Variants in FAM149A observed in about 807,000 individuals in gnomAD.
FAM149A encodes the protein family with sequence similarity 149 member A.
Under a neutral mutation model 78.2 loss-of-function variants are expected in FAM149A, and 71 were observed. The ratio of observed to expected loss-of-function variants is 0.91; its 90% CI spans 0.75 to 1.11. The LOEUF is 1.11. Among genes scored for constraint, FAM149A ranks in the 50% least tolerant of loss-of-function variants. The probability of loss-of-function intolerance (pLI) is 0.00; values close to 1 mark genes in which losing one functional copy is unlikely to be tolerated. For missense variants in FAM149A, 1,036 were observed against 971.0 expected, an observed-to-expected ratio of 1.07 and a Z score of -0.89; for synonymous variants, 446 against 410.5, an observed-to-expected ratio of 1.09 and a Z score of -1.04.
chr4:186,140,855 C>T lies in FAM149A; in HGVS notation c.567-8318C>T, dbSNP rs149767725. On this transcript the variant is annotated intron_variant, in intron 1 of 13. Transcript: ENST00000389354. The stretch of plus-strand genomic sequence containing the variant: ...AACAGAAGCAATAGGAGATACATGT[C>T]TACATCTATATTTGTATATATCTGT... 2.6e-5 allele frequency among the ~76,000 whole-genome samples: 4 copies of T among 152,286 alleles called. No homozygotes were observed. The East Asian group carries it at 7.7e-4, about 29-fold the overall frequency.
chr4:186,137,461 C>T (rs1003219566), intron 1 of FAM149A, among the ~76,000 whole-genome samples: 2 of 152,036 alleles, frequency 1.3e-5, no homozygotes, highest in Non-Finnish European at 2.9e-5. Context: ...GCTGTGCGTA[C>T]CACCTACTGT....
At position 186,156,193 on chromosome 4, in the gene FAM149A, A is replaced by G. The variant is rs574207344; in HGVS notation, c.1420+3A>G. ...ACACTGGGAAACTACACTCACAGGT[A>G]CTTACATGCAGAATTTAGCTTAATG... On this transcript the variant is annotated splice_donor_region_variant and intron_variant, in intron 7 of 13. Transcript: ENST00000389354. The G allele has an allele frequency of 6.2e-7, 1 of 1,607,752 alleles. No homozygotes were observed. The highest frequency in any genetic ancestry group is 1.1e-5 in the South Asian group (1 of 89,806).
In FAM149A at chr4:186,149,741, C is replaced by T. The variant is rs184315946; in HGVS notation, c.789+37C>T. Reference sequence around the variant, plus strand: ...AATATTTTGGATAATCTTGTAATTACAGTTTATAGTGAAGAGTTGCTTCCT... The same window carrying T: ...AATATTTTGGATAATCTTGTAATTATAGTTTATAGTGAAGAGTTGCTTCCT... On this transcript the variant is annotated intron_variant, in intron 3 of 13. Transcript: ENST00000389354. 4.1e-4 allele frequency: 504 copies of T among 1,227,022 alleles called. 1 individual carries two copies. The highest frequency in any genetic ancestry group is 2.1e-3 in the Admixed American group (64 of 30,958). The allele number at this position is 1,227,022 out of a possible 1,614,324, so 76.0% of individuals were successfully genotyped here.
At chr4:186,171,668 C>T (rs1349670274) in intron 13 of FAM149A, among the ~76,000 whole-genome samples, 4 of 152,158 alleles carry the variant, frequency 2.6e-5, no homozygotes, top group East Asian at 3.9e-4. Context: ...GGAAGCTTCT[C>T]GTGAATCCAC....
chr4:186,117,649 T>A (rs2150087096), intron 1 of FAM149A: 1 of 985,338 alleles, frequency 1.0e-6, no homozygotes, highest in Non-Finnish European at 1.2e-6. Context: ...GCACAGCTGT[T>A]GTGAAAAGCG....
At position 186,167,017 on chromosome 4, in the gene FAM149A, G is replaced by T. The variant is rs763114143; in HGVS notation, c.2060G>T (p.Gly687Val). Residue 687 changes from glycine to valine, a missense_variant, in exon 12 of 14, where the codon GGT (glycine) becomes GTT (valine). Gly to Val is a moderately radical substitution (Grantham distance 109). Coordinates refer to ENST00000389354, the MANE Select transcript of FAM149A (RefSeq NM_001367768.3). ...CGTGTGTTGAGTGCCATGCCTGACG[G>T]TACAGAACGATCGCGTCTTCGAGAA... 1.9e-6 allele frequency: 3 copies of T among 1,614,110 alleles called. No individual in the cohort carries two copies. In the South Asian group the frequency reaches 3.3e-5, roughly 18 times the overall value.
chr4:186,106,312 A>G (rs34488418), intron 1 of FAM149A, among the ~76,000 whole-genome samples: 43,024 of 151,996 alleles, frequency 0.28, 6,836 homozygotes, highest in Non-Finnish European at 0.34. Context: ...CAACACACAC[A>G]CACCCACACA....
chr4:186,165,825 CA>C (rs1734985684), intron 11 of FAM149A, among the ~76,000 whole-genome samples: 1 of 152,180 alleles, frequency 6.6e-6, no homozygotes, highest in Admixed American at 6.5e-5. Flanking sequence ...TGACTTGGTG[CA>C]AGTCACTTTA....
rs1446751460 is a variant in FAM149A, at chr4:186,105,001, C to A, written c.-76C>A. On this transcript the variant is annotated 5_prime_UTR_variant, in exon 1 of 14. Transcript: ENST00000389354. ...GGGGACCTCAGGCTCCTCGCCCCGG[C>A]CCGGGCCGCCTCGGCCGGATCTCCG... 6 of 1,235,464 alleles carry A rather than the reference C, an allele frequency of 4.9e-6. No individual in the cohort carries two copies. In the Admixed American group the frequency reaches 1.6e-4, roughly 32 times the overall value. The allele number at this position is 1,235,464 out of a possible 1,614,324, so 76.5% of individuals were successfully genotyped here.
chr4:186,105,581 C>T lies in FAM149A; in HGVS notation c.505C>T (p.Leu169Phe), dbSNP rs1176181671. ...CGGGGCTGGCCCCAGAACCCTGTTC[C>T]TTACGCTGCCTGACATCGGCGAGGA... Residue 169 changes from leucine to phenylalanine, a missense_variant, in exon 1 of 14, where the codon CTT (leucine) becomes TTT (phenylalanine). Leu to Phe is a conservative substitution (Grantham distance 22, BLOSUM62 0). Coordinates refer to ENST00000389354, the MANE Select transcript of FAM149A (RefSeq NM_001367768.3). The T allele has an allele frequency of 1.9e-6, 2 of 1,069,204 alleles. No homozygotes were observed. The highest frequency in any genetic ancestry group is 2.3e-6 in the Non-Finnish European group (2 of 877,806). 66.2% of individuals were successfully genotyped at this position (1,069,204 alleles called of 1,614,324 possible). A position where few individuals can be genotyped will look rare whatever the true frequency, so the allele number is the denominator to read the frequency against.
intron 1 of FAM149A, chr4:186,125,220 C>T: frequency 1.0e-6 from 1 of 980,470 alleles, no homozygotes; most frequent in East Asian, 1.1e-4. Flanking sequence ...TCCTTTCTCT[C>T]AGTACTTTTT....
rs564450543 is a variant in FAM149A, at chr4:186,159,329, C to G, written c.1575+1610C>G. Among the ~76,000 whole-genome samples the G allele has an allele frequency of 3.3e-5, 5 of 152,154 alleles. No homozygotes were observed. In the South Asian group the frequency reaches 1.0e-3, roughly 32 times the overall value. ...TTCTGATTACAGGAGGGGGATTGGT[C>G]TTTTACATTGAAGGTAAAATTTGAG... On this transcript the variant is annotated intron_variant, in intron 8 of 13. Transcript: ENST00000389354.
intron 1 of FAM149A, chr4:186,133,121 A>G (rs973803638): frequency 2.0e-6 from 2 of 985,408 alleles, no homozygotes. Context: ...GACAGGAGTC[A>G]TGTATTGTCT....
intron 1 of FAM149A, among the ~76,000 whole-genome samples, chr4:186,129,671 C>G (rs2099319731): frequency 6.6e-6 from 1 of 152,188 alleles, no homozygotes; most frequent in Non-Finnish European, 1.5e-5. Context: ...ATTAAGGTGA[C>G]CTGGGACTGA....
At chr4:186,107,181 CACTG>C (rs2099309126) in intron 1 of FAM149A, among the ~76,000 whole-genome samples, 1 of 152,230 alleles carries the variant, frequency 6.6e-6, no homozygotes, top group Non-Finnish European at 1.5e-5. Flanking sequence ...CAGATCTACA[CACTG>C]ACCTTAAACT....
intron 1 of FAM149A, among the ~76,000 whole-genome samples, chr4:186,126,701 C>T (rs2099318480): frequency 6.6e-6 from 1 of 152,154 alleles, no homozygotes; most frequent in Non-Finnish European, 1.5e-5. Flanking sequence ...GTTCTCAGAT[C>T]TTCACACTCG....
In FAM149A at chr4:186,165,406, C is replaced by G. The variant is rs141878617; in HGVS notation, c.1952C>G (p.Pro651Arg). Reference sequence around the variant, plus strand: ...CAAACGTCACGGAGCAGGTTCCCCCCGCTAGTCACGGAGACCAGGGGGCAG... The same window carrying G: ...CAAACGTCACGGAGCAGGTTCCCCCGGCTAGTCACGGAGACCAGGGGGCAG... The change falls in exon 11 of 14, where the codon CCG (proline) becomes CGG (arginine). Residue 651 changes from proline to arginine, a missense_variant. This residue lies in a region of FAM149A where 716 missense variants were observed against 711.8 expected (regional missense o/e 1.01). Transcript: ENST00000389354. 1.7e-5 allele frequency: 27 copies of G among 1,613,910 alleles called. No homozygotes were observed. Among genetic ancestry groups the G allele is most frequent in the African/African-American group, 1.3e-5 (1 of 74,942 alleles).
At chr4:186,125,090 T>C (rs10026965) in intron 1 of FAM149A, among the ~76,000 whole-genome samples, 151,163 of 152,288 alleles carry the variant, frequency 0.99, 75,036 homozygotes, top group Non-Finnish European at 1. Flanking sequence ...TCATATCCTT[T>C]GCCCACTTGT....
chr4:186,169,008 A>G (rs1735306026), intron 13 of FAM149A, among the ~76,000 whole-genome samples: 1 of 152,084 alleles, frequency 6.6e-6, no homozygotes, highest in South Asian at 2.1e-4. Context: ...GTGCTGAGCG[A>G]GGGAACTGGG....
Sources: allele counts gnomAD v4.1 joint callset (sites outside exome capture counted in the v4.1 genomes callset), GRCh38; gene constraint gnomAD v4.1.1; regional missense constraint gnomAD v4.1.1; transcripts MANE v1.5; gene names NCBI Gene and HGNC (gene_info 2026-07-23, HGNC 2026-07-21).